RAD51C: variants seen among roughly 807,000 people sequenced by gnomAD.
RAD51C encodes RAD51 paralog C, also known as DNA repair protein RAD51 homolog 3.
A neutral mutation model predicts 45.0 loss-of-function variants in RAD51C; 42 were observed. The ratio of observed to expected loss-of-function variants is 0.93; its 90% CI spans 0.73 to 1.21. The LOEUF (loss-of-function observed/expected upper bound fraction) is 1.21. RAD51C is among the 50% of genes most tolerant of loss of function. The pLI, the probability that RAD51C is intolerant of heterozygous loss-of-function variation, is 0.00. For synonymous variants in RAD51C, 172 were observed against 159.8 expected (o/e 1.08, Z -0.58); for missense variants, 474 against 452.2 (o/e 1.05, Z -0.44).
At chr17:58,695,269 C>A (rs755052860) in intron 2 of RAD51C, 80 bp downstream of exon 2, 1 of 1,496,578 alleles carries the variant, frequency 6.7e-7, no homozygotes, top group East Asian at 2.3e-5. Context: ...CGTCAGGAAA[C>A]CAAATAAGAT....
intron 4 of RAD51C, among the ~76,000 whole-genome samples, chr17:58,708,435 T>A (rs936726066): frequency 2.6e-5 from 4 of 152,120 alleles, no homozygotes; most frequent in Admixed American, 6.6e-5. Context: ...CCCCAATGCC[T>A]GGAACAGTAA....
chr17:58,717,384 T>A (rs2048776042), intron 5 of RAD51C, among the ~76,000 whole-genome samples: 1 of 152,066 alleles, frequency 6.6e-6, no homozygotes, highest in Non-Finnish European at 1.5e-5. Flanking sequence ...AAGCTATGAT[T>A]GTGTCATTGC....
intron 3 of RAD51C, among the ~76,000 whole-genome samples, chr17:58,701,089 CG>C (rs1006687878): frequency 8.5e-5 from 13 of 152,056 alleles, no homozygotes; most frequent in Admixed American, 8.5e-4. Flanking sequence ...TTTGTAGAGA[CG>C]GAGTTTCACC....
intron 3 of RAD51C, among the ~76,000 whole-genome samples, chr17:58,701,601 T>C (rs1305219676): frequency 1.3e-5 from 2 of 150,646 alleles, no homozygotes; most frequent in African/African-American, 4.9e-5. Context: ...GACAGAGTCT[T>C]GCTCTGTCGC....
At chr17:58,710,335 A>C (rs1376007265) in intron 5 of RAD51C, among the ~76,000 whole-genome samples, 2 of 150,226 alleles carry the variant, frequency 1.3e-5, no homozygotes, top group Non-Finnish European at 3.0e-5. Flanking sequence ...AAAAAAAAAA[A>C]AAAAAACCAA....
At chr17:58,696,080 A>G (rs568392563) in intron 2 of RAD51C, among the ~76,000 whole-genome samples, 30 of 151,356 alleles carry the variant, frequency 2.0e-4, no homozygotes, top group African/African-American at 6.8e-4. Flanking sequence ...AGAAAAAAAA[A>G]AAAGGTAGAT....
At chr17:58,724,217 C>A in intron 7 of RAD51C, 117 bp downstream of exon 7, 1 of 985,596 alleles carries the variant, frequency 1.0e-6, no homozygotes, top group Non-Finnish European at 1.6e-6. Flanking sequence ...CATGAAGTGA[C>A]ACTTTTGTTG....
chr17:58,708,953 GTGT>G (rs1053048543), intron 4 of RAD51C, among the ~76,000 whole-genome samples: 3 of 152,060 alleles, frequency 2.0e-5, no homozygotes, highest in African/African-American at 7.2e-5. Context: ...ATTGACAAAT[GTGT>G]TGTTTTACCA....
intron 5 of RAD51C, among the ~76,000 whole-genome samples, chr17:58,717,358 A>G (rs186145774): frequency 2.0e-4 from 31 of 152,248 alleles, no homozygotes; most frequent in East Asian, 1.4e-3. Context: ...TGAGTCCACA[A>G]CTTCAAGGCT....
intron 3 of RAD51C, among the ~76,000 whole-genome samples, chr17:58,697,797 C>T (rs1333172542): frequency 2.0e-5 from 3 of 151,450 alleles, no homozygotes; most frequent in African/African-American, 4.9e-5. Context: ...ACTGCAACTT[C>T]CACCTCCTGG....
chr17:58,693,049 C>T (rs1389467010), intron 1 of RAD51C: 2 of 502,892 alleles, frequency 4.0e-6, no homozygotes, highest in East Asian at 3.6e-5. Flanking sequence ...CTCATTTAAC[C>T]CTCAACCCGC....
At chr17:58,709,362 C>A (rs1285008580) in intron 4 of RAD51C, among the ~76,000 whole-genome samples, 1 of 152,100 alleles carries the variant, frequency 6.6e-6, no homozygotes, top group Non-Finnish European at 1.5e-5. Flanking sequence ...CAGGTGTGAG[C>A]CACCGCGCCC....
chr17:58,709,127 C>G (rs2048468385), intron 4 of RAD51C, among the ~76,000 whole-genome samples: 2 of 136,230 alleles, frequency 1.5e-5, no homozygotes. Context: ...CAAAGTCTCA[C>G]TCTGTCGCCC....
At chr17:58,712,344 CAAAAAAA>C (rs5821244) in intron 5 of RAD51C, among the ~76,000 whole-genome samples, 19 of 83,080 alleles carry the variant, frequency 2.3e-4, no homozygotes, top group South Asian at 4.4e-4. Flanking sequence ...CACTCCATCT[CAAAAAAA>C]AAAAAAAAAA....
At chr17:58,722,543 G>C (rs1420160667) in intron 6 of RAD51C, among the ~76,000 whole-genome samples, 1 of 152,110 alleles carries the variant, frequency 6.6e-6, no homozygotes, top group Non-Finnish European at 1.5e-5. Context: ...CATAACTCCT[G>C]TGTTCTAGAC....
chr17:58,701,575 T>C (rs1484246217), intron 3 of RAD51C, among the ~76,000 whole-genome samples: 1 of 142,570 alleles, frequency 7.0e-6, no homozygotes, highest in East Asian at 2.1e-4. Flanking sequence ...AAAATCAAAC[T>C]TTTTTTTTTT....
rs1060502588 is a variant in RAD51C, at chr17:58,703,316, C to A, written c.692C>A (p.Ser231Ter). Residue 231 changes from serine to a stop codon, truncating the protein, a stop_gained, in exon 4 of 9, where the codon TCA becomes TAA. Coordinates refer to ENST00000337432, the MANE Select transcript of RAD51C (RefSeq NM_058216.3). LOFTEE classifies it high-confidence loss of function. ...GTTTATCTTCTTCCAGATTTCCTTT[C>A]AGAACACTCAAAGGTATGAGTCAGA... ...AQVYLLPDFL[S>*]EHSKVRLVIV... 6.2e-7 allele frequency: 1 copy of A among 1,612,062 alleles called. No individual in the cohort carries two copies. Among genetic ancestry groups the A allele is most frequent in the Non-Finnish European group, 8.5e-7 (1 of 1,178,476 alleles).
chr17:58,721,052 A>C (rs1203342631), intron 6 of RAD51C, among the ~76,000 whole-genome samples: 1 of 152,162 alleles, frequency 6.6e-6, no homozygotes, highest in Non-Finnish European at 1.5e-5. Context: ...TGGGAGGCCG[A>C]GGCGGATCAC....
At position 58,726,822 on chromosome 17, in the gene RAD51C, AC is replaced by A. The variant is rs927239026; in HGVS notation, c.965+2723del. 4.0e-5 allele frequency among the ~76,000 whole-genome samples: 6 copies of A among 151,000 alleles called. No homozygotes were observed. The South Asian group carries it at 1.0e-3, about 26-fold the overall frequency. On this transcript the variant is annotated intron_variant, in intron 7 of 8. Transcript: ENST00000337432. ...CTACATTTTATAGCTGACTTTATAA[AC>A]TTTTTTATTTTTTTTGAGACGGAGT... is the stretch of plus-strand genomic sequence containing the variant.
Sources: gnomAD v4.1 joint callset for allele counts (sites outside exome capture counted in the v4.1 genomes callset) on GRCh38, gnomAD v4.1.1 for gene constraint, MANE v1.5 for transcripts, NCBI Gene and HGNC (gene_info 2026-07-23, HGNC 2026-07-21) for gene names.